The following C2orf42 variants were observed in gnomAD, a reference collection of about 807,000 sequenced individuals.
C2orf42 encodes uncharacterized protein C2orf42.
C2orf42 carries 44 observed loss-of-function variants against 58.9 expected under a neutral mutation model. The ratio of observed to expected loss-of-function variants is 0.75; its 90% CI spans 0.59 to 0.96. The LOEUF is 0.96. Ranked by LOEUF, C2orf42 falls within the 40% of genes least tolerant of loss-of-function variation. The probability of loss-of-function intolerance (pLI) is 0.00; values close to 1 mark genes in which losing one functional copy is unlikely to be tolerated. For missense variants in C2orf42, 630 were observed against 699.2 expected (o/e 0.90, Z 1.12); for synonymous variants, 239 against 265.4 (o/e 0.90, Z 0.97).
chr2:70,160,959 C>G (rs896185448), intron 8 of C2orf42, among the ~76,000 whole-genome samples, 172 bp from the exon 9 acceptor site: 7 of 152,150 alleles, frequency 4.6e-5, no homozygotes, highest in Admixed American at 3.9e-4. Context: ...TGCCTTTTCT[C>G]CCTTACATCA....
Position 70,181,491 on chromosome 2 carries a change from G to A in C2orf42, c.495C>T (p.Thr165=). ...TGGCCAACTGCCAGATGGTCTGTTT[G>A]GTTTCCGGGGAGGCCTGCATTGCAT... The part of the protein sequence containing the change: ...VLNAMQASPE[T]KQTIWQLATE... The change falls in exon 3 of 10, where the codon ACC becomes ACT. Residue 165 remains threonine, a synonymous_variant. Coordinates refer to ENST00000264434, the MANE Select transcript of C2orf42 (RefSeq NM_017880.3). The A allele has an allele frequency of 1.2e-6, 2 of 1,613,666 alleles. No homozygotes were observed. The highest frequency in any genetic ancestry group is 1.7e-6 in the Non-Finnish European group (2 of 1,180,014).
chr2:70,158,821 G>A (rs1672867355), intron 9 of C2orf42, among the ~76,000 whole-genome samples: 1 of 151,784 alleles, frequency 6.6e-6, no homozygotes, highest in African/African-American at 2.4e-5. Flanking sequence ...GGAACTCCTG[G>A]CCTCAAGTAA....
In C2orf42 at chr2:70,164,317, C is replaced by A. The variant is rs535257673; in HGVS notation, c.1353+775G>T. Among the ~76,000 whole-genome samples the A allele has an allele frequency of 2.4e-4, 35 of 142,942 alleles. No individual in the cohort carries two copies. The South Asian group carries it at 2.9e-3, about 12-fold the overall frequency. The allele number at this position is 142,942 out of a possible 152,430, so 93.8% of individuals were successfully genotyped here. A position where few individuals can be genotyped will look rare whatever the true frequency, so the allele number is the denominator to read the frequency against. On this transcript the variant is annotated intron_variant, in intron 8 of 9. Coordinates refer to ENST00000264434, the MANE Select transcript of C2orf42 (RefSeq NM_017880.3). ...ACTCTGTCCCAAAAAAACCAAAATT[C>A]AAAAAAAAAAGACCAAAAAAAAATT... is the stretch of plus-strand genomic sequence containing the variant.
At chr2:70,154,414 TAAAAAAAA>T (rs36028499) in intron 9 of C2orf42, among the ~76,000 whole-genome samples, 54 of 25,604 alleles carry the variant, frequency 2.1e-3, no homozygotes, top group African/African-American at 7.4e-3. Context: ...AAATTTTTAC[TAAAAAAAA>T]AAAAAAAAAA....
chr2:70,151,597 T>A (rs1400907219), intron 9 of C2orf42, among the ~76,000 whole-genome samples: 1 of 151,516 alleles, frequency 6.6e-6, no homozygotes, highest in Non-Finnish European at 1.5e-5. Flanking sequence ...TCGCACCACT[T>A]CACTCCACCC....
At chr2:70,158,072 G>A (rs1341674268) in intron 9 of C2orf42, among the ~76,000 whole-genome samples, 3 of 151,652 alleles carry the variant, frequency 2.0e-5, no homozygotes, top group Non-Finnish European at 4.4e-5. Context: ...GCTGGCATGC[G>A]CCTGTAATCC....
chr2:70,153,997 G>A (rs1026296519), intron 9 of C2orf42, among the ~76,000 whole-genome samples: 107 of 150,946 alleles, frequency 7.1e-4, no homozygotes, highest in African/African-American at 2.5e-3. Flanking sequence ...AGGTTGCAGT[G>A]AGCCGAGATC....
chr2:70,165,380 T>C (rs946674601), intron 7 of C2orf42, 148 bp downstream of exon 7: 5 of 633,854 alleles, frequency 7.9e-6, no homozygotes, highest in African/African-American at 3.7e-5. Context: ...ATAATTGATA[T>C]GCTGATCATT....
rs147608350 is a variant in C2orf42 at position 70,181,464 on chromosome 2, C to T, written c.522G>A (p.Thr174=). The change falls in exon 3 of 10, where the codon ACG becomes ACA. Residue 174 remains threonine, a synonymous_variant. Coordinates refer to ENST00000264434, the MANE Select transcript of C2orf42 (RefSeq NM_017880.3). ...TCTGCACCAGAGGACCTGTGGGTTCCGTGGCCAACTGCCAGATGGTCTGTT... is the reference window on the plus strand; with the variant it reads ...TCTGCACCAGAGGACCTGTGGGTTCTGTGGCCAACTGCCAGATGGTCTGTT... ...ETKQTIWQLA[T]EPTGPLVQRI... 1.1e-5 allele frequency: 18 copies of T among 1,613,940 alleles called. No individual in the cohort carries two copies. The Admixed American group carries it at 1.2e-4, about 10-fold the overall frequency.
chr2:70,184,779 T>G (rs1024285822), intron 1 of C2orf42, among the ~76,000 whole-genome samples: 3 of 151,012 alleles, frequency 2.0e-5, no homozygotes, highest in African/African-American at 7.3e-5. Context: ...CCATGCCCAG[T>G]GGTCTCTATT....
At chr2:70,175,591 C>T in intron 5 of C2orf42, 82 bp downstream of exon 5, 1 of 834,840 alleles carries the variant, frequency 1.2e-6, no homozygotes, top group East Asian at 2.4e-5. Context: ...CTTTGGGTGA[C>T]AATGTGCATG....
At position 70,150,503 on chromosome 2, in the gene C2orf42, G is replaced by A. The variant is rs1436380268; in HGVS notation, c.1578C>T (p.Ile526=). Residue 526 remains isoleucine (I), a synonymous_variant, in exon 10 of 10, where the codon ATC becomes ATT. Coordinates refer to ENST00000264434, the MANE Select transcript of C2orf42 (RefSeq NM_017880.3). ...GCTCGCCAATCTTAGATTGGGGAAG[G>A]ATATCTGGGATCCACTCGATGATGA... is the stretch of plus-strand genomic sequence containing the variant. The part of the protein sequence containing the change: ...TPFIIEWIPD[I]LPQSKIGELR... 5 of 1,614,078 alleles carry A rather than the reference G, an allele frequency of 3.1e-6. No homozygotes were observed. The East Asian group carries it at 1.1e-4, about 36-fold the overall frequency.
chr2:70,179,476 C>A (rs184374033), intron 4 of C2orf42, 56 bp downstream of exon 4: 1 of 610,828 alleles, frequency 1.6e-6, no homozygotes, highest in Non-Finnish European at 3.0e-6. Context: ...AGACATAAAA[C>A]GCAGTAAAAC....
At chr2:70,154,414 T>TAAAAAAAAAAAAAAAAAAAA (rs36028499) in intron 9 of C2orf42, among the ~76,000 whole-genome samples, 1 of 25,566 alleles carries the variant, frequency 3.9e-5, no homozygotes, top group African/African-American at 1.5e-4. Flanking sequence ...AAATTTTTAC[T>TAAAAAAAAAAAAAAAAAAAA]AAAAAAAAAA....
At chr2:70,180,910 G>A (rs186043468) in intron 3 of C2orf42, among the ~76,000 whole-genome samples, 170 of 149,178 alleles carry the variant, frequency 1.1e-3, no homozygotes, top group African/African-American at 4.1e-3. Context: ...GACTGAGGTG[G>A]TAGGATCTCG....
At chr2:70,160,822 G>A in intron 8 of C2orf42, 35 bp from the exon 9 acceptor site, 1 of 1,494,552 alleles carries the variant, frequency 6.7e-7, no homozygotes, top group African/African-American at 1.4e-5. Context: ...AAAGGTGAGA[G>A]AGAAAACTTT....
At position 70,160,619 on chromosome 2, in the gene C2orf42, A is replaced by T. The variant is rs751232964; in HGVS notation, c.1516+6T>A. 1.1e-5 allele frequency: 17 copies of T among 1,603,340 alleles called. 1 individual carries two copies. In the South Asian group the frequency reaches 1.9e-4, roughly 18 times the overall value. ...AAAGGAAGATGCAGTTTTGAAGTTC[A>T]CTTACCAACTTTGAGAAAAGTTTTT... is the stretch of plus-strand genomic sequence containing the variant. On this transcript the variant is annotated splice_donor_region_variant and intron_variant, in intron 9 of 9. Coordinates refer to ENST00000264434, the MANE Select transcript of C2orf42 (RefSeq NM_017880.3).
chr2:70,160,795 C>T lies in C2orf42; in HGVS notation c.1354-8G>A. 1.3e-6 allele frequency: 2 copies of T among 1,565,030 alleles called. No homozygotes were observed. Among genetic ancestry groups the T allele is most frequent in the Non-Finnish European group, 1.7e-6 (2 of 1,161,176 alleles). ...GGTGATTTCCAAGGGCATCTGGACA[C>T]CAAGACAATACCAAAAAAAGGTGAG... On this transcript the variant is annotated splice_region_variant and splice_polypyrimidine_tract_variant and intron_variant, in intron 8 of 9. Transcript: ENST00000264434.
chr2:70,166,201 T>A (rs1673391732), intron 6 of C2orf42, among the ~76,000 whole-genome samples: 1 of 151,156 alleles, frequency 6.6e-6, no homozygotes, highest in Non-Finnish European at 1.5e-5. Flanking sequence ...AATTTTTTTT[T>A]AAATTAGCCA....
Sources: allele counts gnomAD v4.1 joint callset (sites outside exome capture counted in the v4.1 genomes callset), GRCh38; gene constraint gnomAD v4.1.1; transcripts MANE v1.5; gene names NCBI Gene and HGNC (gene_info 2026-07-23, HGNC 2026-07-21).